PEAK1: variants seen among roughly 807,000 people sequenced by gnomAD.
PEAK1 encodes the protein inactive tyrosine-protein kinase PEAK1.
PEAK1 carries 54 observed loss-of-function variants against 124.7 expected under a neutral mutation model. That is an observed-to-expected ratio of 0.43 (90% CI 0.35 to 0.54). PEAK1 has a LOEUF of 0.54. PEAK1 is among the 20% of genes least tolerant of loss of function. The pLI, the probability that PEAK1 is intolerant of heterozygous loss-of-function variation, is 0.01. For synonymous variants in PEAK1, 719 were observed against 760.0 expected, an observed-to-expected ratio of 0.95 and a Z score of 0.89; for missense variants, 2,046 against 2,134.5, an observed-to-expected ratio of 0.96 and a Z score of 0.82.
At chr15:77,403,751 G>GT (rs2071569366) in intron 1 of PEAK1, 1 of 967,070 alleles carries the variant, frequency 1.0e-6, no homozygotes, top group African/African-American at 1.8e-5. Flanking sequence ...AAAATAAAGC[G>GT]TAAGATGTTA....
At chr15:77,147,725 A>C (rs563053224) in intron 8 of PEAK1, among the ~76,000 whole-genome samples, 7 of 152,332 alleles carry the variant, frequency 4.6e-5, no homozygotes, top group African/African-American at 1.7e-4. Flanking sequence ...CACCCAGAGT[A>C]AAATCATCAT....
At position 77,114,477 on chromosome 15, in the gene PEAK1, C is replaced by T; in HGVS notation, c.4920G>A (p.Gln1640=). The T allele has an allele frequency of 6.2e-7, 1 of 1,614,052 alleles. No individual in the cohort carries two copies. The highest frequency in any genetic ancestry group is 8.5e-7 in the Non-Finnish European group (1 of 1,179,974). The change falls in exon 10 of 10, where the codon CAG becomes CAA. Residue 1640 remains glutamine (Q), a synonymous_variant. Coordinates refer to ENST00000682557, the MANE Select transcript of PEAK1 (RefSeq NM_001385026.1). The stretch of plus-strand genomic sequence containing the variant: ...TGGGATTCAGGAGGCAGCTGGCCAG[C>T]TGCTGCAGACCCCGGGAGTAGGGGG... ...FRSPYSRGLQ[Q]LASCLLNPNP... is the part of the protein sequence containing the mutation.
chr15:77,212,419 T>TTAC (rs1296763746), intron 6 of PEAK1, among the ~76,000 whole-genome samples: 2 of 152,188 alleles, frequency 1.3e-5, no homozygotes, highest in East Asian at 3.8e-4. Context: ...TTAGCCTTGC[T>TTAC]TACTTGGGGA....
intron 2 of PEAK1, among the ~76,000 whole-genome samples, chr15:77,289,356 T>A (rs1413482196): frequency 2.0e-5 from 3 of 152,218 alleles, no homozygotes; most frequent in Admixed American, 2.0e-4. Flanking sequence ...AACATAAGAC[T>A]CTATTTCAAT....
chr15:77,358,808 T>C (rs867224471), intron 2 of PEAK1, among the ~76,000 whole-genome samples: 2 of 152,148 alleles, frequency 1.3e-5, no homozygotes, highest in African/African-American at 4.8e-5. Context: ...TCAGTATGGT[T>C]TGTACAGAAA....
chr15:77,420,494 G>A (rs1437190370), upstream of PEAK1: 1 of 177,906 alleles, frequency 5.6e-6, no homozygotes, highest in Non-Finnish European at 1.2e-5. Flanking sequence ...AAAGACCAGG[G>A]GAGTCTGGGC....
rs1008930734 is a variant in PEAK1, at chr15:77,417,483, A to G, written c.-666+2523T>C. ...GCGGGGGGGGAGGGGGGCAAGAGGT[A>G]GGAATCACAGTAAAGAGATCAGCAA... On this transcript the variant is annotated intron_variant, in intron 1 of 9. Coordinates refer to ENST00000682557, the MANE Select transcript of PEAK1 (RefSeq NM_001385026.1). 17 of 981,116 alleles carry G rather than the reference A, an allele frequency of 1.7e-5. No homozygotes were observed. In the African/African-American group the frequency reaches 2.8e-4, roughly 16 times the overall value. 60.8% of individuals were successfully genotyped at this position (981,116 alleles called of 1,614,324 possible).
At chr15:77,116,229 C>A (rs1162937811) in intron 9 of PEAK1, among the ~76,000 whole-genome samples, 1 of 152,098 alleles carries the variant, frequency 6.6e-6, no homozygotes, top group Non-Finnish European at 1.5e-5. Flanking sequence ...GAGAGGCTGA[C>A]CGTGGAAGAC....
At chr15:77,132,073 C>T (rs1296858286) in intron 9 of PEAK1, among the ~76,000 whole-genome samples, 1 of 151,934 alleles carries the variant, frequency 6.6e-6, no homozygotes, top group Non-Finnish European at 1.5e-5. Flanking sequence ...AAAAGCAAAG[C>T]TCAAGGGTTA....
intron 2 of PEAK1, among the ~76,000 whole-genome samples, chr15:77,311,018 G>T (rs2064405097): frequency 6.6e-6 from 1 of 152,088 alleles, no homozygotes. Flanking sequence ...TTAAACACAG[G>T]GCCATAATGA....
chr15:77,210,648 G>A (rs768519647), intron 6 of PEAK1, among the ~76,000 whole-genome samples: 8 of 152,216 alleles, frequency 5.3e-5, no homozygotes, highest in Admixed American at 3.3e-4. Flanking sequence ...GGGAGGCAGA[G>A]GTGGGCAGAT....
intron 6 of PEAK1, among the ~76,000 whole-genome samples, chr15:77,240,911 A>G (rs972036451): frequency 3.3e-5 from 5 of 152,232 alleles, no homozygotes; most frequent in African/African-American, 9.6e-5. Context: ...TGAACAGTCT[A>G]TTCCAGAAGA....
rs1276884734 is a variant in PEAK1 at position 77,180,409 on chromosome 15, G to C, written c.1518C>G (p.Asn506Lys). Reference protein sequence around the residue: ...PKTKSSSSTPNSPVTSSSLTP... With the variant: ...PKTKSSSSTPKSPVTSSSLTP... ...TCAATGAAGATGATGTAACTGGAGAGTTTGGAGTAGAGGATGAGCTTTTTG... is the reference window on the plus strand; with the variant it reads ...TCAATGAAGATGATGTAACTGGAGACTTTGGAGTAGAGGATGAGCTTTTTG... Residue 506 changes from asparagine (N) to lysine (K), a missense_variant, in exon 7 of 10, where the codon AAC (asparagine) becomes AAG (lysine). Coordinates refer to ENST00000682557, the MANE Select transcript of PEAK1 (RefSeq NM_001385026.1). The C allele has an allele frequency of 6.2e-7, 1 of 1,614,152 alleles. No individual in the cohort carries two copies. The highest frequency in any genetic ancestry group is 1.7e-5 in the Admixed American group (1 of 60,022).
At chr15:77,341,635 G>A (rs2066542250) in intron 2 of PEAK1, among the ~76,000 whole-genome samples, 2 of 152,130 alleles carry the variant, frequency 1.3e-5, no homozygotes, top group South Asian at 2.1e-4. Context: ...AGGTCAGGCT[G>A]GCCTAAAGTC....
At chr15:77,129,424 T>C (rs2052656354) in intron 9 of PEAK1, among the ~76,000 whole-genome samples, 1 of 151,600 alleles carries the variant, frequency 6.6e-6, no homozygotes, top group African/African-American at 2.4e-5. Flanking sequence ...GGCTTTCAAA[T>C]TGCTAAATTC....
intron 8 of PEAK1, chr15:77,156,164 C>T (rs148260898): frequency 0.015 from 2,351 of 153,886 alleles, 25 homozygotes; most frequent in Non-Finnish European, 0.023. Context: ...TTCGAGCTTC[C>T]GGGCTGCTTT....
In PEAK1 at chr15:77,114,221, G is replaced by A; in HGVS notation, c.5176C>T (p.Gln1726Ter). 1.2e-6 allele frequency: 2 copies of A among 1,614,200 alleles called. No individual in the cohort carries two copies. Among genetic ancestry groups the A allele is most frequent in the Non-Finnish European group, 1.7e-6 (2 of 1,180,040 alleles). Reference sequence around the variant, plus strand: ...TCTGTAGTGGCAAAAGCCAAATACTGAGCACAAAGCCAGTCCTCAAGGCTG... The same window carrying A: ...TCTGTAGTGGCAAAAGCCAAATACTAAGCACAAAGCCAGTCCTCAAGGCTG... ...GISLEDWLCA[Q>*]YLAFATTDSL... is the part of the protein sequence containing the mutation. The change falls in exon 10 of 10, where the codon CAG becomes TAG. Residue 1726 changes from glutamine to a stop codon, truncating the protein, a stop_gained. Transcript: ENST00000682557. LOFTEE classifies it high-confidence loss of function.
chr15:77,391,476 CAAAAAAAAAAAAAAA>C (rs536286745), intron 1 of PEAK1, among the ~76,000 whole-genome samples: 10,776 of 68,830 alleles, frequency 0.16, 691 homozygotes, highest in Admixed American at 0.24. Context: ...TAACTCATGG[CAAAAAAAAAAAAAAA>C]AAAAAAAAAA....
At chr15:77,416,818 A>C (rs1595893429) in intron 1 of PEAK1, among the ~76,000 whole-genome samples, 1 of 152,336 alleles carries the variant, frequency 6.6e-6, no homozygotes, top group South Asian at 2.1e-4. Context: ...TGGAAATGTC[A>C]TATTTCAATA....
Sources: gnomAD v4.1 joint callset for allele counts (sites outside exome capture counted in the v4.1 genomes callset) on GRCh38, gnomAD v4.1.1 for gene constraint, MANE v1.5 for transcripts, NCBI Gene and HGNC (gene_info 2026-07-23, HGNC 2026-07-21) for gene names.